The following LUC7L variants were observed in gnomAD, a reference collection of about 807,000 sequenced individuals.
LUC7L encodes putative RNA-binding protein Luc7-like 1.
In LUC7L, 29 loss-of-function variants were observed where a neutral mutation model predicts 51.1. The observed-to-expected ratio is 0.57, with a 90% CI of 0.42 to 0.77. The LOEUF is 0.77. Among genes scored for constraint, LUC7L ranks in the 30% least tolerant of loss-of-function variants. LUC7L has a pLI of 0.00. For synonymous variants in LUC7L, 181 were observed against 180.7 expected (o/e 1.00, Z -0.01); for missense variants, 403 against 511.9 (o/e 0.79, Z 2.05).
intron 1 of LUC7L, 63 bp downstream of exon 1, chr16:229,216 C>T: frequency 6.6e-7 from 1 of 1,510,334 alleles, no homozygotes; most frequent in Non-Finnish European, 8.8e-7. Flanking sequence ...CCGCCTCAGG[C>T]CGCCCGGCGG....
chr16:189,536 G>C (rs1447762868), intron 9 of LUC7L, 197 bp from the exon 10 acceptor site: 2 of 1,387,976 alleles, frequency 1.4e-6, no homozygotes, highest in Non-Finnish European at 1.9e-6. Flanking sequence ...CCTTTGCGAA[G>C]ATTTTTAATA....
intron 5 of LUC7L, among the ~76,000 whole-genome samples, chr16:202,869 C>CA (rs1196321913): frequency 6.6e-6 from 1 of 152,172 alleles, no homozygotes; most frequent in East Asian, 1.9e-4. Flanking sequence ...CAAAGACAGC[C>CA]AGGAGCAGTG....
intron 5 of LUC7L, among the ~76,000 whole-genome samples, chr16:203,860 C>T (rs1410469906): frequency 1.3e-5 from 2 of 151,550 alleles, no homozygotes; most frequent in East Asian, 3.9e-4. Context: ...ACTAAAAACA[C>T]AAAAAATTAG....
intron 6 of LUC7L, 41 bp downstream of exon 6, chr16:199,021 C>T (rs375588406): frequency 1.2e-5 from 18 of 1,556,914 alleles, no homozygotes; most frequent in Admixed American, 1.9e-5. Context: ...GTGAAAACAC[C>T]CCAAGACTCC....
In LUC7L at chr16:227,210, G is replaced by A. The variant is rs745979316; in HGVS notation, c.156+32C>T. On this transcript the variant is annotated intron_variant, in intron 2 of 9. Coordinates refer to ENST00000293872, the MANE Select transcript of LUC7L (RefSeq NM_201412.3). ...CTGCCTATACAGCACTCATGTCAGA[G>A]TGTTCCATGAGGTCCCCCAAAATGC... 2.6e-6 allele frequency: 4 copies of A among 1,547,694 alleles called. No individual in the cohort carries two copies. The Admixed American group carries it at 6.8e-5, about 26-fold the overall frequency.
chr16:220,775 C>A, intron 2 of LUC7L, 28 bp from the exon 3 acceptor site: 1 of 1,456,596 alleles, frequency 6.9e-7, no homozygotes, highest in Non-Finnish European at 9.6e-7. Flanking sequence ...AAAATGCAGA[C>A]CTCAGTGCCT....
At chr16:206,670 C>T (rs2049491370) in intron 4 of LUC7L, among the ~76,000 whole-genome samples, 1 of 152,052 alleles carries the variant, frequency 6.6e-6, no homozygotes, top group South Asian at 2.1e-4. Flanking sequence ...ACATATAAAT[C>T]TACCTCCTTT....
chr16:208,583 T>C (rs1596641659), intron 3 of LUC7L: 6 of 1,027,662 alleles, frequency 5.8e-6, no homozygotes, highest in Non-Finnish European at 7.0e-6. Context: ...TTGTGAGAGA[T>C]GCATATGATG....
intron 6 of LUC7L, among the ~76,000 whole-genome samples, chr16:197,806 T>A (rs1567175396): frequency 6.6e-6 from 1 of 152,130 alleles, no homozygotes; most frequent in East Asian, 1.9e-4. Flanking sequence ...CAGCGACACG[T>A]CTGTCCCTCC....
At position 190,034 on chromosome 16, in the gene LUC7L, C is replaced by T. The variant is rs1043961496; in HGVS notation, c.908G>A (p.Arg303His). ...SRSRDRHRRH[R>H]SRSRSHSRGH... Reference sequence around the variant, plus strand: ...CCGGCTGTGGCTCCGGGAACGGCTGCGGTGGCGCCGATGTCTATCTCGGGA... The same window carrying T: ...CCGGCTGTGGCTCCGGGAACGGCTGTGGTGGCGCCGATGTCTATCTCGGGA... Residue 303 changes from arginine (R) to histidine (H), a missense_variant, in exon 9 of 10, where the codon CGC (arginine) becomes CAC (histidine). Transcript: ENST00000293872. 23 of 1,613,826 alleles carry T rather than the reference C, an allele frequency of 1.4e-5. No individual in the cohort carries two copies. Among genetic ancestry groups the T allele is most frequent in the African/African-American group, 8.0e-5 (6 of 74,916 alleles).
rs145929964 is a variant in LUC7L at position 194,829 on chromosome 16, T to G, written c.688-1814A>C. On this transcript the variant is annotated intron_variant, in intron 6 of 9. Coordinates refer to ENST00000293872, the MANE Select transcript of LUC7L (RefSeq NM_201412.3). ...GAAAAGCACCGGGCACCGTTCTGTA[T>G]ACCCACTACTCCCAATATCAACTCT... Among the ~76,000 whole-genome samples, 258 of 152,290 alleles carry G rather than the reference T, an allele frequency of 1.7e-3. 1 individual carries two copies. Among genetic ancestry groups the G allele is most frequent in the Middle Eastern group, 0.014 (4 of 294 alleles).
intron 2 of LUC7L, among the ~76,000 whole-genome samples, chr16:223,045 G>A (rs1172875210): frequency 3.3e-5 from 5 of 151,604 alleles, no homozygotes; most frequent in African/African-American, 1.2e-4. Flanking sequence ...TGACTCTTGG[G>A]ATGCAGTCTC....
In LUC7L at chr16:220,661, A is replaced by T; in HGVS notation, c.243T>A (p.Phe81Leu). 3 of 1,612,258 alleles carry T rather than the reference A, an allele frequency of 1.9e-6. No individual in the cohort carries two copies. Among genetic ancestry groups the T allele is most frequent in the Non-Finnish European group, 2.5e-6 (3 of 1,178,756 alleles). Residue 81 changes from phenylalanine (F) to leucine (L), a missense_variant, in exon 3 of 10, where the codon TTT becomes TTA. Around this residue, in one of 3 missense-constraint regions of LUC7L, gnomAD observed 182 missense variants for 248.4 expected, o/e 0.73. Transcript: ENST00000293872. ...YEIASKERDL[F>L]FELDAMDHLE... is the part of the protein sequence containing the mutation. ...AAATAAAACTTACATCTAATTCAAAAAACAGGTCTCTTTCTTTACTTGCAA... is the reference window on the plus strand; with the variant it reads ...AAATAAAACTTACATCTAATTCAAATAACAGGTCTCTTTCTTTACTTGCAA...
At chr16:190,434 A>T (rs927729732) in intron 8 of LUC7L, 107 bp downstream of exon 8, 35 of 1,238,306 alleles carry the variant, frequency 2.8e-5, no homozygotes, top group Admixed American at 5.2e-5. Flanking sequence ...TTCACAAGCC[A>T]GCCCTACCTG....
intron 8 of LUC7L, 85 bp from the exon 9 acceptor site, chr16:190,220 G>A: frequency 8.3e-7 from 1 of 1,199,338 alleles, no homozygotes. Flanking sequence ...TCTGCTTGCT[G>A]CTTTACTGAC....
At chr16:189,751 G>A (rs1489477994) in intron 9 of LUC7L, 4 of 1,391,058 alleles carry the variant, frequency 2.9e-6, no homozygotes, top group African/African-American at 1.4e-5. Context: ...ACGCAGGCAG[G>A]GGACAGTGCC....
chr16:190,690 G>T, intron 7 of LUC7L, 120 bp from the exon 8 acceptor site: 1 of 865,826 alleles, frequency 1.2e-6, no homozygotes, highest in Non-Finnish European at 1.9e-6. Flanking sequence ...GACCAGCCTG[G>T]ACAACGTGGT....
At chr16:189,517 A>G (rs1381291205) in intron 9 of LUC7L, 178 bp from the exon 10 acceptor site, 1 of 1,396,884 alleles carries the variant, frequency 7.2e-7, no homozygotes, top group African/African-American at 1.4e-5. Flanking sequence ...GATAGCCATT[A>G]AAAAGTGACC....
rs1229892999 is a variant in LUC7L at position 199,094 on chromosome 16, T to C, written c.655A>G (p.Ile219Val). Residue 219 changes from isoleucine (I) to valine (V), a missense_variant, in exon 6 of 10, where the codon ATT becomes GTT. Physicochemically the swap from Ile to Val is conservative, Grantham distance 29 (BLOSUM62 3). This residue lies in a region of LUC7L where 15 missense variants were observed against 45.2 expected (regional missense o/e 0.33). Transcript: ENST00000293872. ...HFGGKLHLGF[I>V]QIREKLDQLR... ...TGATCAAGCTTCTCTCGGATCTGAA[T>C]GAACCCCAAGTGTAACTTGCCACCG... 1.2e-6 allele frequency: 2 copies of C among 1,613,126 alleles called. No individual in the cohort carries two copies. Among genetic ancestry groups the C allele is most frequent in the Non-Finnish European group, 1.7e-6 (2 of 1,179,128 alleles).
Sources: allele counts gnomAD v4.1 joint callset (sites outside exome capture counted in the v4.1 genomes callset), GRCh38; gene constraint gnomAD v4.1.1; regional missense constraint gnomAD v4.1.1; transcripts MANE v1.5; gene names NCBI Gene and HGNC (gene_info 2026-07-23, HGNC 2026-07-21).